CELF2: variants seen among roughly 807,000 people sequenced by gnomAD.
CELF2 encodes CUG triplet repeat RNA-binding protein 2.
A neutral mutation model predicts 62.6 loss-of-function variants in CELF2; 8 were observed. The ratio of observed to expected loss-of-function variants is 0.13; its 90% confidence interval spans 0.07 to 0.23. The LOEUF is 0.23. CELF2 is among the 10% of genes least tolerant of loss of function. The pLI is 1.00. For synonymous variants in CELF2, 258 were observed against 250.0 expected (o/e 1.03, Z -0.30); for missense variants, 333 against 671.0 (o/e 0.50, Z 5.56).
At chr10:10,473,369 G>C in the CELF2 span, among the ~76,000 whole-genome samples, 4 of 152,098 alleles carry the variant, frequency 2.6e-5, no homozygotes, top group Admixed American at 2.6e-4. Flanking sequence ...GCTTCAGAAA[G>C]AATGTGCCCT....
intron 1 of CELF2, among the ~76,000 whole-genome samples, chr10:10,800,596 A>T (rs2054563583): frequency 6.6e-6 from 1 of 151,970 alleles, no homozygotes; most frequent in Non-Finnish European, 1.5e-5. Context: ...CAGGTGATAC[A>T]CCCTCTTTGT....
rs533027391 is a variant in CELF2, at chr10:10,829,147, A to G, written c.53+30330A>G. 4.1e-4 allele frequency among the ~76,000 whole-genome samples: 63 copies of G among 152,316 alleles called. 1 individual carries two copies. Among genetic ancestry groups the G allele is most frequent in the Non-Finnish European group, 1.8e-4 (12 of 68,020 alleles). ...TCAATCTTATCTTCTCACCATAGTT[A>G]TCTTGTCACTGTCCTATGGACTGAT... is the stretch of plus-strand genomic sequence containing the variant. On this transcript the variant is annotated intron_variant, in intron 1 of 13. Transcript: ENST00000636488.
chr10:10,623,044 C>G, the CELF2 span, among the ~76,000 whole-genome samples: 2 of 135,476 alleles, frequency 1.5e-5, no homozygotes, highest in Admixed American at 1.7e-4. Flanking sequence ...CGAGATTGCG[C>G]CACAGCACTC....
the CELF2 span, among the ~76,000 whole-genome samples, chr10:10,573,468 G>A: frequency 1.3e-5 from 2 of 152,046 alleles, no homozygotes; most frequent in Non-Finnish European, 2.9e-5. Flanking sequence ...TTTCAATTCC[G>A]TTGTGTGTCC....
Position 10,983,067 on chromosome 10 carries a change from T to C in CELF2, c.89+63068T>C, listed in dbSNP as rs1192579749. On this transcript the variant is annotated intron_variant, in intron 2 of 13. Transcript: ENST00000636488. This position sits in a 1 kb window ranked among gnomAD's most constrained non-coding sequence, Gnocchi z 5.2. ...ATTAGCCCTTTACTGACTTGGAGGTTGCATCTTCTCAATCCGGTAATTAGC... is the reference window on the plus strand; with the variant it reads ...ATTAGCCCTTTACTGACTTGGAGGTCGCATCTTCTCAATCCGGTAATTAGC... Among the ~76,000 whole-genome samples the C allele has an allele frequency of 6.6e-6, 1 of 152,220 alleles. No individual in the cohort carries two copies. The highest frequency in any genetic ancestry group is 1.5e-5 in the Non-Finnish European group (1 of 68,040).
rs191281149 is a variant in CELF2, at chr10:10,853,985, C to A, written c.53+55168C>A. On this transcript the variant is annotated intron_variant, in intron 1 of 13. Transcript: ENST00000636488. ...CAACTTTTCTATCCCCATATACCTT[C>A]TTTGTGTAGTTTCTGCAATTCTGTC... 5.2e-4 allele frequency among the ~76,000 whole-genome samples: 79 copies of A among 152,294 alleles called. 1 individual carries two copies. The East Asian group carries it at 0.013, about 25-fold the overall frequency.
intron 1 of CELF2, among the ~76,000 whole-genome samples, chr10:10,891,680 C>A (rs1036062862): frequency 2.0e-5 from 3 of 152,276 alleles, no homozygotes; most frequent in Admixed American, 2.0e-4. Flanking sequence ...TGACTCGATG[C>A]GGCTGCTTCG....
chr10:10,599,725 C>CTTT, the CELF2 span, among the ~76,000 whole-genome samples: 1,152 of 134,532 alleles, frequency 8.6e-3, 9 homozygotes, highest in South Asian at 0.032. Flanking sequence ...TTCTTTCTTT[C>CTTT]TTTTTTTTTT....
chr10:10,693,143 G>A, the CELF2 span, among the ~76,000 whole-genome samples: 1 of 82,228 alleles, frequency 1.2e-5, no homozygotes, highest in Non-Finnish European at 2.5e-5. Flanking sequence ...ATTGGCTGTG[G>A]GTTTGTCATA....
chr10:10,922,959 TC>T (rs1002544439), intron 2 of CELF2: 8 of 152,184 alleles, frequency 5.3e-5, no homozygotes, highest in African/African-American at 1.2e-4. Flanking sequence ...TGATGAATCC[TC>T]CCCTTGTGTC....
At chr10:10,699,939 A>C in the CELF2 span, among the ~76,000 whole-genome samples, 53 of 152,150 alleles carry the variant, frequency 3.5e-4, no homozygotes, top group Non-Finnish European at 5.9e-4. Context: ...GCTCTAATCT[A>C]CGTAGAAGCA....
At chr10:10,789,445 C>T in the CELF2 span, among the ~76,000 whole-genome samples, 2 of 152,138 alleles carry the variant, frequency 1.3e-5, no homozygotes, top group Non-Finnish European at 1.5e-5. Context: ...ATTAATACTA[C>T]TACGAATATC....
chr10:10,491,602 T>A, the CELF2 span, among the ~76,000 whole-genome samples: 2 of 152,234 alleles, frequency 1.3e-5, no homozygotes, highest in African/African-American at 2.4e-5. Flanking sequence ...ATTTTCTTAC[T>A]TTCATGATGG....
intron 1 of CELF2, chr10:11,164,898 G>C (rs997928827): frequency 5.2e-6 from 1 of 191,236 alleles, no homozygotes; most frequent in East Asian, 1.9e-4. Context: ...TGCACACATG[G>C]ATGCCTCGCG....
intron 1 of CELF2, among the ~76,000 whole-genome samples, chr10:11,054,858 G>A (rs1445232668): frequency 6.6e-6 from 1 of 152,122 alleles, no homozygotes; most frequent in African/African-American, 2.4e-5. Context: ...GGGATTACAG[G>A]CGGCCGCCAC....
At chr10:10,713,479 A>G in the CELF2 span, among the ~76,000 whole-genome samples, 1 of 152,190 alleles carries the variant, frequency 6.6e-6, no homozygotes, top group Non-Finnish European at 1.5e-5. Flanking sequence ...TGAGTAAGGC[A>G]ACTGCCTGGT....
the CELF2 span, among the ~76,000 whole-genome samples, chr10:10,790,487 G>C: frequency 0.11 from 16,795 of 152,070 alleles, 1,145 homozygotes; most frequent in East Asian, 0.19. Context: ...TTCTGATAGA[G>C]TATAATACAT....
chr10:11,197,045 GAAAGAAAGAAAGA>G (rs2057986622), intron 2 of CELF2, among the ~76,000 whole-genome samples: 2 of 51,034 alleles, frequency 3.9e-5, no homozygotes, highest in African/African-American at 2.6e-4. Flanking sequence ...AAGAAAGAAA[GAAAGAAAGAAAGA>G]AAAGAAAGAA....
intron 2 of CELF2, among the ~76,000 whole-genome samples, chr10:10,964,559 G>A (rs2049910240): frequency 6.6e-6 from 1 of 152,150 alleles, no homozygotes; most frequent in Admixed American, 6.5e-5. Flanking sequence ...CTTTCAAAGG[G>A]ATTTTATTTT....
Sources: allele counts gnomAD v4.1 joint callset (sites outside exome capture counted in the v4.1 genomes callset), GRCh38; gene constraint gnomAD v4.1.1; non-coding constraint Gnocchi (gnomAD v3.1); transcripts MANE v1.5; gene names NCBI Gene and HGNC (gene_info 2026-07-23, HGNC 2026-07-21).